Variants in CNTNAP2 observed in about 807,000 individuals in gnomAD.
CNTNAP2 encodes contactin associated protein 2, also known as contactin-associated protein-like 2.
A neutral mutation model predicts 155.2 loss-of-function variants in CNTNAP2; 98 were observed. The observed-to-expected ratio is 0.63, with a 90% CI of 0.54 to 0.75. The LOEUF is 0.75. CNTNAP2 is among the 30% of genes least tolerant of loss of function. CNTNAP2 has a pLI of 0.00. For synonymous variants in CNTNAP2, 651 were observed against 631.2 expected (o/e 1.03, Z -0.47); for missense variants, 1,727 against 1,688.1 (o/e 1.02, Z -0.40).
At chr7:146,897,754 A>T (rs1795907189) in intron 3 of CNTNAP2, among the ~76,000 whole-genome samples, 2 of 152,096 alleles carry the variant, frequency 1.3e-5, no homozygotes, top group African/African-American at 4.8e-5. Context: ...ACTCTGCAGA[A>T]TCAATTGACC....
intron 3 of CNTNAP2, among the ~76,000 whole-genome samples, chr7:146,990,614 T>C (rs1378042635): frequency 1.3e-5 from 2 of 152,100 alleles, no homozygotes; most frequent in East Asian, 1.9e-4. Flanking sequence ...AAGAAAACCT[T>C]GTTCATAATT....
chr7:146,155,834 G>A (rs1487875881), intron 1 of CNTNAP2, among the ~76,000 whole-genome samples: 1 of 151,678 alleles, frequency 6.6e-6, no homozygotes, highest in Non-Finnish European at 1.5e-5. Flanking sequence ...CAAGTAGCTG[G>A]GATTACAGGT....
intron 1 of CNTNAP2, among the ~76,000 whole-genome samples, chr7:146,464,675 G>A (rs1242478115): frequency 2.0e-5 from 3 of 151,752 alleles, no homozygotes; most frequent in Non-Finnish European, 4.4e-5. Flanking sequence ...TACTGAACAC[G>A]TTATTCTGAA....
chr7:147,706,341 A>G (rs922866528), intron 13 of CNTNAP2, among the ~76,000 whole-genome samples: 1 of 151,936 alleles, frequency 6.6e-6, no homozygotes, highest in African/African-American at 2.4e-5. Flanking sequence ...AATTCCTTCC[A>G]CTTTCACTTG....
Position 147,266,631 on chromosome 7 carries a change from T to C in CNTNAP2, c.1349-33510T>C, listed in dbSNP as rs139088462. On this transcript the variant is annotated intron_variant, in intron 8 of 23. Transcript: ENST00000361727. ...TTTGTGCTTCCATAAAAAATGATTT[T>C]AAAACCCTATCTATTATTGCAGTGA... Among the ~76,000 whole-genome samples, 843 of 152,328 alleles carry C rather than the reference T, an allele frequency of 5.5e-3. 3 individuals are homozygous for C. Among genetic ancestry groups the C allele is most frequent in the Non-Finnish European group, 8.6e-3 (583 of 68,030 alleles).
chr7:146,512,690 C>T (rs983273613), intron 1 of CNTNAP2, among the ~76,000 whole-genome samples: 16 of 151,846 alleles, frequency 1.1e-4, no homozygotes, highest in African/African-American at 3.9e-4. Context: ...GACATTGAGA[C>T]ATGTTTTGTG....
At chr7:147,044,222 TGTGTCTCTA>T (rs1432088891) in intron 4 of CNTNAP2, among the ~76,000 whole-genome samples, 168 bp downstream of exon 4, 1 of 152,128 alleles carries the variant, frequency 6.6e-6, no homozygotes, top group East Asian at 1.9e-4. Flanking sequence ...AATAAAAGGT[TGTGTCTCTA>T]TTTGCATGTT....
intron 9 of CNTNAP2, among the ~76,000 whole-genome samples, chr7:147,388,155 C>G (rs1241844283): frequency 6.6e-6 from 1 of 152,078 alleles, no homozygotes; most frequent in Non-Finnish European, 1.5e-5. Flanking sequence ...TTTTGATACT[C>G]AAATTATTTA....
chr7:147,781,774 A>G (rs1013612835), intron 13 of CNTNAP2, among the ~76,000 whole-genome samples: 2 of 152,218 alleles, frequency 1.3e-5, no homozygotes, highest in Non-Finnish European at 2.9e-5. Context: ...CGGTAATCCC[A>G]GCACTTTGGG....
chr7:146,998,861 C>G (rs1184840371), intron 3 of CNTNAP2, among the ~76,000 whole-genome samples: 2 of 151,868 alleles, frequency 1.3e-5, no homozygotes, highest in Non-Finnish European at 2.9e-5. Flanking sequence ...GGTTTCCATT[C>G]CCTCATTTTT....
intron 13 of CNTNAP2, among the ~76,000 whole-genome samples, chr7:147,892,766 T>C (rs1220591713): frequency 6.6e-6 from 1 of 152,226 alleles, no homozygotes; most frequent in African/African-American, 2.4e-5. Flanking sequence ...TTAATTACCA[T>C]TTCAGTTCAG....
At chr7:146,828,456 T>A (rs1292654920) in intron 2 of CNTNAP2, among the ~76,000 whole-genome samples, 1 of 152,096 alleles carries the variant, frequency 6.6e-6, no homozygotes, top group Non-Finnish European at 1.5e-5. Flanking sequence ...TCTAAAATAA[T>A]TCTGATAACT....
chr7:147,025,946 G>A (rs141232378), intron 3 of CNTNAP2, among the ~76,000 whole-genome samples: 83 of 150,582 alleles, frequency 5.5e-4, no homozygotes, highest in African/African-American at 1.3e-3. Context: ...TGCAACCTCC[G>A]CCTCCTGGGC....
intron 13 of CNTNAP2, among the ~76,000 whole-genome samples, chr7:147,659,662 A>G (rs565829640): frequency 3.9e-5 from 6 of 152,356 alleles, no homozygotes; most frequent in Non-Finnish European, 8.8e-5. Flanking sequence ...CAATTAATTT[A>G]TAGCCACATA....
At chr7:146,897,734 C>G (rs1485362578) in intron 3 of CNTNAP2, among the ~76,000 whole-genome samples, 1 of 152,010 alleles carries the variant, frequency 6.6e-6, no homozygotes, top group Non-Finnish European at 1.5e-5. Context: ...AAGTCAATAG[C>G]CTACCACCCA....
At chr7:146,525,898 G>T (rs1797685149) in intron 1 of CNTNAP2, among the ~76,000 whole-genome samples, 1 of 152,192 alleles carries the variant, frequency 6.6e-6, no homozygotes, top group East Asian at 1.9e-4. Flanking sequence ...CACAAATCCA[G>T]TCCCCATGCT....
At chr7:146,374,382 T>C (rs1795277553) in intron 1 of CNTNAP2, among the ~76,000 whole-genome samples, 1 of 152,216 alleles carries the variant, frequency 6.6e-6, no homozygotes, top group African/African-American at 2.4e-5. Context: ...GTGTTGTATA[T>C]CCTTGCTGTT....
intron 15 of CNTNAP2, among the ~76,000 whole-genome samples, chr7:148,028,486 G>A (rs1188841507): frequency 6.6e-6 from 1 of 152,198 alleles, no homozygotes; most frequent in Non-Finnish European, 1.5e-5. Flanking sequence ...CAAGGTGGAA[G>A]GATCACTTGA....
At chr7:146,309,213 C>T (rs922127750) in intron 1 of CNTNAP2, among the ~76,000 whole-genome samples, 2 of 152,054 alleles carry the variant, frequency 1.3e-5, no homozygotes, top group Non-Finnish European at 2.9e-5. Flanking sequence ...GTTTTAACTT[C>T]GGAGCGAGTC....
Sources: allele counts gnomAD v4.1 joint callset (sites outside exome capture counted in the v4.1 genomes callset), GRCh38; gene constraint gnomAD v4.1.1; transcripts MANE v1.5; gene names NCBI Gene and HGNC (gene_info 2026-07-23, HGNC 2026-07-21).